JAK2: variants seen among roughly 807,000 people sequenced by gnomAD.
The protein encoded by JAK2 is tyrosine-protein kinase JAK2.
Under a neutral mutation model 139.3 loss-of-function variants are expected in JAK2, and 86 were observed. The ratio of observed to expected loss-of-function variants is 0.62; its 90% CI spans 0.52 to 0.74. JAK2 has a LOEUF of 0.74. Among genes scored for constraint, JAK2 ranks in the 30% least tolerant of loss-of-function variants. The pLI is 0.00. For synonymous variants in JAK2, 490 were observed against 437.7 expected (o/e 1.12, Z -1.49); for missense variants, 1,421 against 1,360.3 (o/e 1.04, Z -0.70).
chr9:5,084,347 T>A (rs1371562770), intron 19 of JAK2, among the ~76,000 whole-genome samples: 15 of 152,298 alleles, frequency 9.8e-5, no homozygotes, highest in African/African-American at 3.1e-4. Context: ...ATATTTGTAC[T>A]GCCTTACTGA....
chr9:5,091,820 A>C (rs1820595851), intron 22 of JAK2, among the ~76,000 whole-genome samples: 1 of 152,130 alleles, frequency 6.6e-6, no homozygotes, highest in African/African-American at 2.4e-5. Flanking sequence ...GAGAAGTTAA[A>C]TGTCTATAAT....
chr9:5,081,574 C>A, intron 18 of JAK2, 151 bp from the exon 19 acceptor site: 1 of 581,970 alleles, frequency 1.7e-6, no homozygotes, highest in East Asian at 2.8e-5. Context: ...TGATTAAAGG[C>A]TCCCATTAAT....
In JAK2 at chr9:5,061,186, T is replaced by C. The variant is rs189491899; in HGVS notation, c.1057-3697T>C. On this transcript the variant is annotated intron_variant, in intron 8 of 24. Transcript: ENST00000381652. Reference sequence around the variant, plus strand: ...TAGCATAATTCGCAGAGCCCTGGGATTTTTGGAATGGTAAATGAGCGCTGG... The same window carrying C: ...TAGCATAATTCGCAGAGCCCTGGGACTTTTGGAATGGTAAATGAGCGCTGG... Among the ~76,000 whole-genome samples, 41 of 152,318 alleles carry C rather than the reference T, an allele frequency of 2.7e-4. 2 individuals are homozygous for C. In the East Asian group the frequency reaches 6.8e-3, roughly 25 times the overall value.
At chr9:5,108,359 C>T (rs1368691470) in intron 22 of JAK2, 4 of 152,100 alleles carry the variant, frequency 2.6e-5, no homozygotes, top group South Asian at 4.1e-4. Flanking sequence ...TCAATGCAAG[C>T]TCATATTTCC....
chr9:4,987,842 T>C (rs1820046280), intron 2 of JAK2, among the ~76,000 whole-genome samples: 1 of 152,040 alleles, frequency 6.6e-6, no homozygotes, highest in East Asian at 1.9e-4. Context: ...ACATGCAAAG[T>C]GGTAAACTGC....
intron 8 of JAK2, among the ~76,000 whole-genome samples, chr9:5,061,524 C>T (rs1818168647): frequency 6.6e-6 from 1 of 152,196 alleles, no homozygotes. Flanking sequence ...CTGCTAGCTT[C>T]CAACTTTTCT....
chr9:5,110,115 T>C (rs186692158), intron 22 of JAK2: 1 of 152,228 alleles, frequency 6.6e-6, no homozygotes, highest in African/African-American at 2.4e-5. Context: ...TCGCCTTCTC[T>C]TAGCAGCAGC....
At chr9:5,067,154 T>G (rs571468815) in intron 10 of JAK2, among the ~76,000 whole-genome samples, 90 of 152,290 alleles carry the variant, frequency 5.9e-4, no homozygotes, top group Non-Finnish European at 1.1e-3. Context: ...GAAGCAAATT[T>G]TCTGTTTATT....
At chr9:5,057,660 G>A (rs1011449563) in intron 8 of JAK2, among the ~76,000 whole-genome samples, 4 of 140,984 alleles carry the variant, frequency 2.8e-5, no homozygotes, top group African/African-American at 1.1e-4. Flanking sequence ...TTGGCTCACT[G>A]TAACCTGTGC....
At chr9:5,024,028 A>G (rs1015230851) in intron 3 of JAK2, among the ~76,000 whole-genome samples, 7 of 152,076 alleles carry the variant, frequency 4.6e-5, no homozygotes, top group African/African-American at 1.4e-4. Context: ...AGGCTGAGGC[A>G]GGCAGATCAC....
At chr9:5,044,323 G>T in intron 4 of JAK2, 80 bp from the exon 5 acceptor site, 1 of 825,908 alleles carries the variant, frequency 1.2e-6, no homozygotes. Flanking sequence ...CTTTCAGTAT[G>T]CTGTAGGTGA....
At position 5,065,018 on chromosome 9, in the gene JAK2, A is replaced by T. The variant is rs1199883868; in HGVS notation, c.1192A>T (p.Ser398Cys). The change falls in exon 9 of 25, where the codon AGC (serine) becomes TGC (cysteine). Residue 398 changes from serine (S) to cysteine (C), a missense_variant. Coordinates refer to ENST00000381652, the MANE Select transcript of JAK2 (RefSeq NM_004972.4). ...APPAVLENIQSNCHGPISMDF... is the reference protein window; with the variant it reads ...APPAVLENIQCNCHGPISMDF... ...TCCAGCCGTGCTTGAAAATATACAA[A>T]GCAACTGTCATGGCCCAATTTCGTG... 6.3e-7 allele frequency: 1 copy of T among 1,598,098 alleles called. No individual in the cohort carries two copies. The highest frequency in any genetic ancestry group is 1.7e-5 in the Admixed American group (1 of 57,376).
chr9:5,057,487 C>G (rs1306454163), intron 8 of JAK2, among the ~76,000 whole-genome samples: 1 of 151,764 alleles, frequency 6.6e-6, no homozygotes, highest in Admixed American at 6.6e-5. Context: ...ATTTCCAGAA[C>G]TCTTTTATCT....
chr9:4,989,319 C>G (rs1198377993), intron 2 of JAK2, among the ~76,000 whole-genome samples: 2 of 151,788 alleles, frequency 1.3e-5, no homozygotes. Context: ...TTCTGTAGCT[C>G]TTTAGTCTTA....
intron 23 of JAK2, among the ~76,000 whole-genome samples, chr9:5,125,277 A>G (rs924744038): frequency 2.0e-5 from 3 of 151,038 alleles, no homozygotes; most frequent in Non-Finnish European, 4.5e-5. Context: ...TTATTTTATA[A>G]AATTAAGGTC....
chr9:5,041,473 C>T (rs1816506932), intron 4 of JAK2: 2 of 603,752 alleles, frequency 3.3e-6, no homozygotes, highest in South Asian at 1.5e-5. Flanking sequence ...TCAAGGCTGA[C>T]ACGATCATGA....
At chr9:5,111,225 C>G (rs112178036) in intron 22 of JAK2, 4 of 311,826 alleles carry the variant, frequency 1.3e-5, no homozygotes, top group African/African-American at 1.0e-4. Flanking sequence ...GCAGCTAGCG[C>G]GGGCCTATTC....
chr9:5,094,275 G>C (rs772765205), intron 22 of JAK2: 2 of 152,146 alleles, frequency 1.3e-5, no homozygotes, highest in Admixed American at 6.6e-5. Context: ...AACGTCTACT[G>C]TTACCCTTTA....
At chr9:5,024,146 C>A (rs998883506) in intron 3 of JAK2, among the ~76,000 whole-genome samples, 1 of 152,092 alleles carries the variant, frequency 6.6e-6, no homozygotes, top group Admixed American at 6.5e-5. Context: ...GTCCCAGCTA[C>A]TTGGGAGGCT....
Sources: gnomAD v4.1 joint callset for allele counts (sites outside exome capture counted in the v4.1 genomes callset) on GRCh38, gnomAD v4.1.1 for gene constraint, MANE v1.5 for transcripts, NCBI Gene and HGNC (gene_info 2026-07-23, HGNC 2026-07-21) for gene names.